DACH1: variants seen among roughly 807,000 people sequenced by gnomAD.
DACH1 encodes the protein dachshund homolog 1.
Under a neutral mutation model 54.2 loss-of-function variants are expected in DACH1, and 12 were observed. That is an observed-to-expected ratio of 0.22 (90% CI 0.14 to 0.36). DACH1 has a LOEUF of 0.36. Among genes scored for constraint, DACH1 ranks in the 10% least tolerant of loss-of-function variants. The probability of loss-of-function intolerance (pLI) is 1.00; values close to 1 mark genes in which losing one functional copy is unlikely to be tolerated. For synonymous variants in DACH1, 386 were observed against 366.2 expected, an observed-to-expected ratio of 1.05 and a Z score of -0.62; for missense variants, 805 against 929.8, an observed-to-expected ratio of 0.87 and a Z score of 1.75.
intron 6 of DACH1, among the ~76,000 whole-genome samples, chr13:71,492,286 A>AATTAAGTTAAG (rs1223872347): frequency 6.6e-6 from 1 of 151,848 alleles, no homozygotes; most frequent in East Asian, 1.9e-4. Flanking sequence ...TCACAGAGGG[A>AATTAAGTTAAG]ATTAAGTTAA....
At chr13:71,779,836 G>A (rs1019893355) in intron 1 of DACH1, among the ~76,000 whole-genome samples, 1 of 151,770 alleles carries the variant, frequency 6.6e-6, no homozygotes, top group African/African-American at 2.4e-5. Flanking sequence ...GTTTCTACTT[G>A]TGCAAATCTC....
At chr13:71,505,149 C>T (rs931741658) in intron 6 of DACH1, among the ~76,000 whole-genome samples, 4 of 152,060 alleles carry the variant, frequency 2.6e-5, no homozygotes, top group African/African-American at 9.7e-5. Flanking sequence ...GTGGCAAGAT[C>T]TCGGTTCACT....
intron 4 of DACH1, among the ~76,000 whole-genome samples, chr13:71,561,061 A>T (rs909656139): frequency 1.3e-5 from 2 of 152,210 alleles, no homozygotes; most frequent in Non-Finnish European, 2.9e-5. Context: ...ATGTTAACTT[A>T]ATACGGAAAA....
At chr13:71,826,140 C>A (rs775785409) in intron 1 of DACH1, among the ~76,000 whole-genome samples, 15 of 152,082 alleles carry the variant, frequency 9.9e-5, no homozygotes, top group Non-Finnish European at 1.8e-4. Context: ...TTTACAGCAA[C>A]AAAATTGTGT....
At chr13:71,673,810 T>C (rs1880368812) in intron 2 of DACH1, among the ~76,000 whole-genome samples, 1 of 152,282 alleles carries the variant, frequency 6.6e-6, no homozygotes, top group Non-Finnish European at 1.5e-5. Flanking sequence ...TCTATAAATG[T>C]CACTTCTCTA....
At chr13:71,860,752 C>T (rs1233162757) in intron 1 of DACH1, among the ~76,000 whole-genome samples, 4 of 151,860 alleles carry the variant, frequency 2.6e-5, no homozygotes, top group Non-Finnish European at 1.5e-5. Flanking sequence ...TTTTACTTGA[C>T]TGACAAAAGC....
At chr13:71,534,246 C>T (rs1882605538) in intron 6 of DACH1, among the ~76,000 whole-genome samples, 2 of 151,812 alleles carry the variant, frequency 1.3e-5, no homozygotes, top group African/African-American at 2.4e-5. Flanking sequence ...TGTTTACTTT[C>T]TTGATAGACT....
At chr13:71,803,580 C>T (rs1262191826) in intron 1 of DACH1, among the ~76,000 whole-genome samples, 1 of 151,980 alleles carries the variant, frequency 6.6e-6, no homozygotes, top group Non-Finnish European at 1.5e-5. Context: ...GACAACTTAC[C>T]CTTATATTTT....
intron 1 of DACH1, among the ~76,000 whole-genome samples, chr13:71,766,840 T>TA (rs574549328): frequency 0.28 from 40,816 of 146,512 alleles, 5,865 homozygotes; most frequent in Middle Eastern, 0.33. Context: ...AGAAAAGGCT[T>TA]AAAAAAAAAA....
intron 8 of DACH1, among the ~76,000 whole-genome samples, chr13:71,476,312 C>T (rs1031053225): frequency 1.3e-5 from 2 of 152,108 alleles, no homozygotes; most frequent in Non-Finnish European, 2.9e-5. Context: ...CCCCTAAAAA[C>T]GCTTTGGAAA....
At chr13:71,838,584 G>A (rs1483138776) in intron 1 of DACH1, among the ~76,000 whole-genome samples, 1 of 152,166 alleles carries the variant, frequency 6.6e-6, no homozygotes, top group African/African-American at 2.4e-5. Context: ...CCAAAACAAT[G>A]TGCATGATTG....
intron 2 of DACH1, among the ~76,000 whole-genome samples, chr13:71,631,168 T>C (rs1404297595): frequency 2.0e-5 from 3 of 152,202 alleles, no homozygotes; most frequent in Admixed American, 2.0e-4. Context: ...ATATCACAGA[T>C]GTCACCATTA....
chr13:71,533,666 A>G (rs747750375), intron 6 of DACH1, among the ~76,000 whole-genome samples: 4 of 151,752 alleles, frequency 2.6e-5, no homozygotes, highest in Non-Finnish European at 4.4e-5. Flanking sequence ...ATGGGAATGT[A>G]CTTATCAGGT....
chr13:71,660,102 T>C (rs1234959830), intron 2 of DACH1, among the ~76,000 whole-genome samples: 5 of 152,118 alleles, frequency 3.3e-5, no homozygotes, highest in African/African-American at 9.6e-5. Flanking sequence ...AAAACTAACA[T>C]AGCCTGCTGT....
chr13:71,759,420 A>C (rs774699570), intron 1 of DACH1, among the ~76,000 whole-genome samples: 3 of 152,204 alleles, frequency 2.0e-5, no homozygotes, highest in Non-Finnish European at 4.4e-5. Flanking sequence ...GTCATTTTCA[A>C]AACAAAACAT....
intron 2 of DACH1, among the ~76,000 whole-genome samples, chr13:71,638,167 C>T (rs1032338720): frequency 6.6e-6 from 1 of 152,124 alleles, no homozygotes; most frequent in Admixed American, 6.6e-5. Context: ...TAGATTATAG[C>T]CAATGGTAGT....
chr13:71,800,857 G>GA (rs558834590), intron 1 of DACH1, among the ~76,000 whole-genome samples: 1 of 135,782 alleles, frequency 7.4e-6, no homozygotes. Context: ...AAGTCCCTTT[G>GA]AAAAAAAATC....
intron 1 of DACH1, among the ~76,000 whole-genome samples, chr13:71,760,085 C>A (rs1255539394): frequency 1.3e-5 from 2 of 152,178 alleles, no homozygotes; most frequent in Non-Finnish European, 2.9e-5. Context: ...AATGCCACAG[C>A]CTATCACAGG....
intron 3 of DACH1, among the ~76,000 whole-genome samples, chr13:71,612,557 C>T (rs563773595): frequency 4.6e-5 from 7 of 152,220 alleles, no homozygotes; most frequent in Admixed American, 1.3e-4. Context: ...GTAGACCCTG[C>T]CTTCATTACA....
Sources: gnomAD v4.1 joint callset for allele counts (sites outside exome capture counted in the v4.1 genomes callset) on GRCh38, gnomAD v4.1.1 for gene constraint, MANE v1.5 for transcripts, NCBI Gene and HGNC (gene_info 2026-07-23, HGNC 2026-07-21) for gene names.